The following DENND1A variants were observed in gnomAD, a reference collection of about 807,000 sequenced individuals.
DENND1A encodes DENN domain-containing protein 1A.
Under a neutral mutation model 113.7 loss-of-function variants are expected in DENND1A, and 51 were observed. That is an observed-to-expected ratio of 0.45 (90% CI 0.36 to 0.57). The LOEUF is 0.57. Ranked by LOEUF, DENND1A falls within the 20% of genes least tolerant of loss-of-function variation. DENND1A has a pLI of 0.00. For synonymous variants in DENND1A, 565 were observed against 570.8 expected (o/e 0.99, Z 0.14); for missense variants, 1,258 against 1,395.9 (o/e 0.90, Z 1.57).
chr9:123,782,083 A>G (rs2131854869), intron 3 of DENND1A, among the ~76,000 whole-genome samples: 1 of 152,242 alleles, frequency 6.6e-6, no homozygotes, highest in South Asian at 2.1e-4. Flanking sequence ...AAAAATAATA[A>G]TAAAAATAAA....
At chr9:123,513,841 T>C (rs1470228531) in intron 13 of DENND1A, among the ~76,000 whole-genome samples, 1 of 152,204 alleles carries the variant, frequency 6.6e-6, no homozygotes, top group Non-Finnish European at 1.5e-5. Flanking sequence ...TGTCCTGCAC[T>C]GCCCACTATG....
intron 19 of DENND1A, among the ~76,000 whole-genome samples, chr9:123,416,859 G>C (rs1364575143): frequency 1.3e-5 from 2 of 152,224 alleles, no homozygotes; most frequent in African/African-American, 4.8e-5. Flanking sequence ...GGACCAGGGG[G>C]ATTCAGAGAA....
At chr9:123,923,994 A>G (rs934411253) in intron 1 of DENND1A, among the ~76,000 whole-genome samples, 2 of 152,238 alleles carry the variant, frequency 1.3e-5, no homozygotes, top group South Asian at 2.1e-4. Flanking sequence ...CATCATTCAT[A>G]ATGATGAAAA....
chr9:123,772,411 C>A (rs1829868447), intron 3 of DENND1A, among the ~76,000 whole-genome samples: 1 of 152,164 alleles, frequency 6.6e-6, no homozygotes, highest in African/African-American at 2.4e-5. Context: ...CAGTTACCAA[C>A]CCCTTTTTCT....
chr9:123,447,294 CCTT>C (rs2047375798), intron 18 of DENND1A, among the ~76,000 whole-genome samples: 1 of 152,206 alleles, frequency 6.6e-6, no homozygotes, highest in Non-Finnish European at 1.5e-5. Flanking sequence ...TGTTATCCAT[CCTT>C]CTTTTTTTGT....
intron 13 of DENND1A, among the ~76,000 whole-genome samples, chr9:123,515,519 C>G (rs1331942934): frequency 1.3e-5 from 2 of 152,130 alleles, no homozygotes; most frequent in African/African-American, 4.8e-5. Flanking sequence ...TTTAGAAATA[C>G]AACGCACATT....
intron 8 of DENND1A, among the ~76,000 whole-genome samples, chr9:123,654,420 G>T (rs1300571175): frequency 1.3e-5 from 2 of 152,130 alleles, no homozygotes; most frequent in Admixed American, 6.5e-5. Flanking sequence ...TCACGCTGGG[G>T]AGAAATATGT....
intron 2 of DENND1A, among the ~76,000 whole-genome samples, chr9:123,844,265 A>C (rs1291196384): frequency 6.6e-6 from 1 of 152,190 alleles, no homozygotes; most frequent in Non-Finnish European, 1.5e-5. Flanking sequence ...GAATAGAAAG[A>C]AAGAAGTAGT....
intron 5 of DENND1A, among the ~76,000 whole-genome samples, chr9:123,737,087 C>T (rs2068620122): frequency 6.6e-6 from 1 of 152,130 alleles, no homozygotes; most frequent in East Asian, 1.9e-4. Context: ...TTAATCCTGC[C>T]TGGGTTAAAA....
At chr9:123,881,797 C>G (rs1402545464) in intron 1 of DENND1A, among the ~76,000 whole-genome samples, 1 of 152,142 alleles carries the variant, frequency 6.6e-6, no homozygotes, top group African/African-American at 2.4e-5. Flanking sequence ...CTCTAACATA[C>G]TCCAACCAGG....
chr9:123,840,735 CCTT>C (rs1841708479), intron 2 of DENND1A, among the ~76,000 whole-genome samples: 2 of 152,090 alleles, frequency 1.3e-5, no homozygotes, highest in African/African-American at 4.8e-5. Flanking sequence ...TTAACCCTAA[CCTT>C]CTTTCCAAGA....
intron 5 of DENND1A, among the ~76,000 whole-genome samples, chr9:123,702,336 G>T (rs746298738): frequency 2.0e-5 from 3 of 152,144 alleles, no homozygotes; most frequent in African/African-American, 7.2e-5. Flanking sequence ...AAATGTATGA[G>T]TTGCTGGTAT....
chr9:123,671,086 C>G (rs1271221363), intron 7 of DENND1A, among the ~76,000 whole-genome samples: 7 of 152,116 alleles, frequency 4.6e-5, no homozygotes, highest in Non-Finnish European at 7.4e-5. Context: ...TGGGGACATT[C>G]AGGACATGTC....
At chr9:123,714,321 G>T (rs552401512) in intron 5 of DENND1A, among the ~76,000 whole-genome samples, 3 of 152,196 alleles carry the variant, frequency 2.0e-5, no homozygotes, top group Non-Finnish European at 4.4e-5. Context: ...CTCAGCATTG[G>T]CCGGGTGCAA....
chr9:123,425,517 C>T (rs1009962136), intron 19 of DENND1A, among the ~76,000 whole-genome samples: 3 of 152,226 alleles, frequency 2.0e-5, no homozygotes, highest in African/African-American at 7.2e-5. Context: ...TCTGCTGAAC[C>T]GACTGACTAC....
At chr9:123,630,204 C>CTTTTTTT (rs11324537) in intron 10 of DENND1A, among the ~76,000 whole-genome samples, 172 bp downstream of exon 10, 7 of 94,068 alleles carry the variant, frequency 7.4e-5, no homozygotes, top group Non-Finnish European at 1.1e-4. Context: ...CCATGACTGG[C>CTTTTTTT]TTTTTTTTTT....
chr9:123,671,452 T>A, intron 6 of DENND1A, 81 bp from the exon 7 acceptor site: 1 of 1,349,032 alleles, frequency 7.4e-7, no homozygotes, highest in Non-Finnish European at 1.0e-6. Context: ...TGGGCACACA[T>A]GACTGAGGGG....
chr9:123,781,079 C>G (rs1831238103), intron 3 of DENND1A, among the ~76,000 whole-genome samples: 1 of 152,176 alleles, frequency 6.6e-6, no homozygotes, highest in Non-Finnish European at 1.5e-5. Flanking sequence ...ATTCACACAG[C>G]TAAGATTTTG....
intron 21 of DENND1A, among the ~76,000 whole-genome samples, chr9:123,398,397 C>T (rs553482629): frequency 9.2e-5 from 14 of 151,956 alleles, no homozygotes; most frequent in Admixed American, 1.3e-4. Flanking sequence ...TTATTTGAGA[C>T]GGCGTCTCAC....
Sources: allele counts gnomAD v4.1 joint callset (sites outside exome capture counted in the v4.1 genomes callset), GRCh38; gene constraint gnomAD v4.1.1; transcripts MANE v1.5; gene names NCBI Gene and HGNC (gene_info 2026-07-23, HGNC 2026-07-21).